The following COL21A1 variants were observed in gnomAD, a reference collection of about 807,000 sequenced individuals.
COL21A1 encodes collagen alpha-1(XXI) chain.
In COL21A1, 149 loss-of-function variants were observed where a neutral mutation model predicts 137.9. The observed-to-expected ratio is 1.08, with a 90% CI of 0.95 to 1.24. The LOEUF is 1.24. COL21A1 is among the 50% of genes most tolerant of loss of function. COL21A1 has a pLI of 0.00. For synonymous variants in COL21A1, 456 were observed against 391.5 expected (o/e 1.16, Z -1.95); for missense variants, 1,167 against 1,158.4 (o/e 1.01, Z -0.11).
At chr6:56,301,028 AG>A (rs1270292495) in intron 1 of COL21A1, among the ~76,000 whole-genome samples, 2 of 152,192 alleles carry the variant, frequency 1.3e-5, no homozygotes, top group African/African-American at 2.4e-5. Flanking sequence ...GTTACTCTCA[AG>A]GAGGTGGATA....
chr6:56,314,130 A>C (rs1258828445), intron 1 of COL21A1, among the ~76,000 whole-genome samples: 1 of 152,026 alleles, frequency 6.6e-6, no homozygotes. Context: ...GACTACAGGC[A>C]CGCACCACCA....
At chr6:56,269,909 C>G (rs906624669) in intron 1 of COL21A1, among the ~76,000 whole-genome samples, 2 of 152,176 alleles carry the variant, frequency 1.3e-5, no homozygotes, top group Admixed American at 1.3e-4. Flanking sequence ...CCAAATCAGA[C>G]TTACAAGAGG....
chr6:56,333,012 A>T (rs1002966328), intron 1 of COL21A1, among the ~76,000 whole-genome samples: 2 of 151,954 alleles, frequency 1.3e-5, no homozygotes, highest in African/African-American at 4.8e-5. Context: ...CATTTCATTA[A>T]ATCTATTAAC....
At chr6:56,085,990 A>T (rs1238895850) in intron 17 of COL21A1, among the ~76,000 whole-genome samples, 2 of 148,958 alleles carry the variant, frequency 1.3e-5, no homozygotes, top group African/African-American at 4.9e-5. Flanking sequence ...ATATATAAAA[A>T]TATCTAAATT....
At chr6:56,365,814 C>T (rs902869268) in intron 1 of COL21A1, among the ~76,000 whole-genome samples, 1 of 152,130 alleles carries the variant, frequency 6.6e-6, no homozygotes, top group Non-Finnish European at 1.5e-5. Context: ...AATCTTTACA[C>T]CATGTATAAC....
intron 16 of COL21A1, among the ~76,000 whole-genome samples, chr6:56,117,917 T>C (rs534137464): frequency 4.0e-5 from 6 of 151,878 alleles, no homozygotes; most frequent in Non-Finnish European, 8.8e-5. Flanking sequence ...CCAAAATCTA[T>C]GGGATACAGC....
intron 1 of COL21A1, among the ~76,000 whole-genome samples, chr6:56,333,277 C>T (rs1453703604): frequency 3.3e-5 from 5 of 151,912 alleles, no homozygotes; most frequent in Admixed American, 3.3e-4. Context: ...CCTTCATTTC[C>T]AATTCTCTCT....
chr6:56,258,170 TGACAAC>T (rs1763161240), intron 1 of COL21A1, among the ~76,000 whole-genome samples: 1 of 152,188 alleles, frequency 6.6e-6, no homozygotes. Context: ...CTGAAATTCT[TGACAAC>T]ATTCACATGT....
At chr6:56,321,931 C>T (rs1414578421) in intron 1 of COL21A1, among the ~76,000 whole-genome samples, 1 of 152,082 alleles carries the variant, frequency 6.6e-6, no homozygotes, top group Non-Finnish European at 1.5e-5. Flanking sequence ...TTTTTAAAAT[C>T]GTTTTGAAGC....
chr6:56,105,359 C>T (rs963369630), intron 16 of COL21A1, among the ~76,000 whole-genome samples: 1 of 152,102 alleles, frequency 6.6e-6, no homozygotes, highest in African/African-American at 2.4e-5. Flanking sequence ...TCCACTGCCA[C>T]CAAAAAGTTG....
At chr6:56,068,949 T>C in intron 22 of COL21A1, 97 bp downstream of exon 22, 1 of 752,656 alleles carries the variant, frequency 1.3e-6, no homozygotes, top group South Asian at 1.7e-5. Context: ...ATTAAAAATA[T>C]ATTAATAACA....
rs568005959 is a variant in COL21A1 at position 56,076,600 on chromosome 6, T to TA, written c.1857+928dup. ...GAAAATTATGAGTGTTTATCATTTTTAAAAAAAATCAATTGATCATTCTAA... is the reference window on the plus strand; with the variant it reads ...GAAAATTATGAGTGTTTATCATTTTTAAAAAAAAATCAATTGATCATTCTAA... On this transcript the variant is annotated intron_variant, in intron 18 of 29. Coordinates refer to ENST00000244728, the MANE Select transcript of COL21A1 (RefSeq NM_030820.4). Among the ~76,000 whole-genome samples the TA allele has an allele frequency of 2.7e-3, 407 of 151,318 alleles. 2 individuals carry two copies. The highest frequency in any genetic ancestry group is 2.4e-3 in the Non-Finnish European group (159 of 67,560).
chr6:56,264,614 T>C (rs531286967), intron 1 of COL21A1, among the ~76,000 whole-genome samples: 2 of 152,340 alleles, frequency 1.3e-5, no homozygotes, highest in South Asian at 2.1e-4. Context: ...ATTTAACTAA[T>C]TGCCGTGTGA....
intron 5 of COL21A1, among the ~76,000 whole-genome samples, chr6:56,168,827 G>GAA (rs1254907637): frequency 6.6e-6 from 1 of 151,540 alleles, no homozygotes; most frequent in Admixed American, 6.6e-5. Flanking sequence ...CCCCCTCTTT[G>GAA]ACTCATCCAT....
At chr6:56,303,435 G>T (rs1764352959) in intron 1 of COL21A1, among the ~76,000 whole-genome samples, 1 of 152,078 alleles carries the variant, frequency 6.6e-6, no homozygotes, top group Admixed American at 6.6e-5. Flanking sequence ...TCTCCTTGAA[G>T]AGGTCCTTCA....
chr6:56,176,916 G>C (rs534003761), intron 3 of COL21A1, among the ~76,000 whole-genome samples: 4 of 137,186 alleles, frequency 2.9e-5, no homozygotes, highest in African/African-American at 1.1e-4. Context: ...GGGAGGAAGG[G>C]GGAGGAAGGG....
chr6:56,163,665 C>T (rs573997623), intron 9 of COL21A1, among the ~76,000 whole-genome samples: 22 of 150,604 alleles, frequency 1.5e-4, no homozygotes, highest in African/African-American at 5.1e-4. Context: ...GCCCAGATTG[C>T]GCCACTGCAC....
intron 23 of COL21A1, among the ~76,000 whole-genome samples, chr6:56,066,492 T>C (rs775892087): frequency 6.6e-6 from 1 of 151,942 alleles, no homozygotes; most frequent in African/African-American, 2.4e-5. Flanking sequence ...GCTCAGACAC[T>C]ATCACTGAGA....
At chr6:56,373,313 AT>A (rs2048227364) in intron 1 of COL21A1, among the ~76,000 whole-genome samples, 1 of 152,216 alleles carries the variant, frequency 6.6e-6, no homozygotes, top group South Asian at 2.1e-4. Flanking sequence ...TTATTTAAAA[AT>A]GTTTAGGCCA....
Sources: allele counts gnomAD v4.1 joint callset (sites outside exome capture counted in the v4.1 genomes callset), GRCh38; gene constraint gnomAD v4.1.1; transcripts MANE v1.5; gene names NCBI Gene and HGNC (gene_info 2026-07-23, HGNC 2026-07-21).